Variants in DAB1 observed in about 807,000 individuals in gnomAD.
DAB1 encodes the protein disabled homolog 1.
DAB1 carries 15 observed loss-of-function variants against 64.6 expected under a neutral mutation model. That is an observed-to-expected ratio of 0.23 (90% CI 0.16 to 0.36). The LOEUF is 0.36. Among genes scored for constraint, DAB1 ranks in the 10% least tolerant of loss-of-function variants. The probability of loss-of-function intolerance (pLI) is 1.00; values close to 1 mark genes in which losing one functional copy is unlikely to be tolerated. For synonymous variants in DAB1, 235 were observed against 251.9 expected (o/e 0.93, Z 0.64); for missense variants, 596 against 706.7 (o/e 0.84, Z 1.78).
At chr1:57,528,758 G>A (rs899118107) in intron 7 of DAB1, among the ~76,000 whole-genome samples, 16 of 126,610 alleles carry the variant, frequency 1.3e-4, no homozygotes, top group Non-Finnish European at 2.0e-4. Flanking sequence ...GAAGGCAATG[G>A]AAGTACTTTA....
In DAB1 at chr1:58,027,200, A is replaced by G. The variant is rs571073125; in HGVS notation, n.387+123311T>C. On this transcript the variant is annotated intron_variant and non_coding_transcript_variant, in intron 5 of 20. Coordinates refer to the DAB1 transcript ENST00000485760. ...GAGAAATGTGAAAAAGGAAGACAAT[A>G]TTATGAGGTTTTTATAAAAGCAAAG... Among the ~76,000 whole-genome samples the G allele has an allele frequency of 1.1e-4, 16 of 152,272 alleles. No individual in the cohort carries two copies. The South Asian group carries it at 3.3e-3, about 32-fold the overall frequency.
chr1:58,355,229 G>A (rs1276061322), intron 3 of DAB1, among the ~76,000 whole-genome samples: 5 of 152,134 alleles, frequency 3.3e-5, no homozygotes, highest in Non-Finnish European at 7.4e-5. Context: ...ACCCTACCAT[G>A]AGCCTTTTTC....
chr1:57,755,267 A>G (rs1310397590), intron 6 of DAB1, among the ~76,000 whole-genome samples: 2 of 152,144 alleles, frequency 1.3e-5, no homozygotes, highest in Non-Finnish European at 2.9e-5. Context: ...CTATAAATCA[A>G]CTTGGGAAAA....
chr1:57,085,434 C>T (rs1254214955), intron 4 of DAB1, among the ~76,000 whole-genome samples: 6 of 152,186 alleles, frequency 3.9e-5, no homozygotes, highest in Non-Finnish European at 8.8e-5. Context: ...CAAATACTGC[C>T]CGCTACTGGC....
At chr1:57,413,585 CA>C (rs1239529161) in intron 1 of DAB1, among the ~76,000 whole-genome samples, 5 of 151,462 alleles carry the variant, frequency 3.3e-5, no homozygotes, top group South Asian at 2.1e-4. Flanking sequence ...ACTAAAAATA[CA>C]AAAAGAAATT....
intron 7 of DAB1, among the ~76,000 whole-genome samples, chr1:57,494,165 T>A (rs1644200442): frequency 6.6e-6 from 1 of 152,136 alleles, no homozygotes; most frequent in South Asian, 2.1e-4. Context: ...TTAAAATCCA[T>A]AATGGGAAAG....
At chr1:57,220,693 C>G (rs1428577665) in intron 2 of DAB1, among the ~76,000 whole-genome samples, 1 of 152,122 alleles carries the variant, frequency 6.6e-6, no homozygotes, top group African/African-American at 2.4e-5. Context: ...AAATCAAAAC[C>G]ACAATGAGAT....
intron 2 of DAB1, among the ~76,000 whole-genome samples, chr1:57,247,280 C>T (rs1012978909): frequency 1.3e-5 from 2 of 152,140 alleles, no homozygotes; most frequent in African/African-American, 2.4e-5. Context: ...TTGCTGTTCT[C>T]ATGATAGCGA....
At chr1:57,195,808 T>C (rs1019866695) in intron 2 of DAB1, among the ~76,000 whole-genome samples, 2 of 152,260 alleles carry the variant, frequency 1.3e-5, no homozygotes, top group Non-Finnish European at 2.9e-5. Flanking sequence ...ATGGAATCCC[T>C]GTAAGTAGCT....
intron 1 of DAB1, among the ~76,000 whole-genome samples, chr1:57,353,053 T>C (rs1365840039): frequency 6.6e-6 from 1 of 151,812 alleles, no homozygotes; most frequent in Non-Finnish European, 1.5e-5. Flanking sequence ...TATGAGCCAA[T>C]TCCTTATAAT....
rs577207863 is a variant in DAB1 at position 57,961,815 on chromosome 1, CA to C, written n.388-77654del. ...GAAACCCCATCTCTACTAAAAAATA[CA>C]AAAAAAAAATTAGCCGGGCATGGTG... is the stretch of plus-strand genomic sequence containing the variant. On this transcript the variant is annotated intron_variant and non_coding_transcript_variant, in intron 5 of 20. Coordinates refer to the DAB1 transcript ENST00000485760. 1.1e-4 allele frequency among the ~76,000 whole-genome samples: 17 copies of C among 147,832 alleles called. No homozygotes were observed. In the East Asian group the frequency reaches 2.6e-3, roughly 22 times the overall value.
intron 1 of DAB1, chr1:57,880,922 T>C (rs1399487416): frequency 6.6e-6 from 1 of 152,242 alleles, no homozygotes; most frequent in Non-Finnish European, 1.5e-5. Flanking sequence ...TTTTACTTGT[T>C]GAATTCTTAG....
chr1:57,624,655 C>T (rs377327118), intron 7 of DAB1, among the ~76,000 whole-genome samples: 9 of 152,244 alleles, frequency 5.9e-5, no homozygotes, highest in South Asian at 2.1e-4. Flanking sequence ...CACTTACAAA[C>T]GGTAAGTTGT....
chr1:58,206,502 G>C (rs1658292804), intron 4 of DAB1, among the ~76,000 whole-genome samples: 1 of 152,150 alleles, frequency 6.6e-6, no homozygotes, highest in South Asian at 2.1e-4. Context: ...GAGGTCCTGA[G>C]ATTTATTTTC....
chr1:57,988,733 G>T (rs137885102), intron 5 of DAB1, among the ~76,000 whole-genome samples: 195 of 152,226 alleles, frequency 1.3e-3, no homozygotes, highest in African/African-American at 4.5e-3. Flanking sequence ...AGAGAGAGGG[G>T]TGGGGACTTC....
chr1:57,608,393 A>AC, intron 7 of DAB1, among the ~76,000 whole-genome samples: 1 of 151,574 alleles, frequency 6.6e-6, no homozygotes, highest in African/African-American at 2.4e-5. Flanking sequence ...GATATTAAAA[A>AC]AAGAGAGAGA....
chr1:57,739,889 C>T (rs1221402204), intron 6 of DAB1, among the ~76,000 whole-genome samples: 2 of 151,736 alleles, frequency 1.3e-5, no homozygotes, highest in Non-Finnish European at 2.9e-5. Flanking sequence ...AACAAATATA[C>T]AAGTATTAAA....
At chr1:58,370,471 T>C (rs1398515074) in intron 3 of DAB1, among the ~76,000 whole-genome samples, 1 of 151,574 alleles carries the variant, frequency 6.6e-6, no homozygotes, top group Admixed American at 6.6e-5. Context: ...AATATTGTGA[T>C]CATGGCTGCC....
intron 5 of DAB1, chr1:58,060,409 C>T (rs1007791188): frequency 6.6e-6 from 1 of 152,152 alleles, no homozygotes; most frequent in Non-Finnish European, 1.5e-5. Flanking sequence ...TGTAGATAGA[C>T]CAGTTTTTCA....
Sources: allele counts gnomAD v4.1 joint callset (sites outside exome capture counted in the v4.1 genomes callset), GRCh38; gene constraint gnomAD v4.1.1; transcripts MANE v1.5; gene names NCBI Gene and HGNC (gene_info 2026-07-23, HGNC 2026-07-21).